The following ANKS1B variants were observed in gnomAD, a reference collection of about 807,000 sequenced individuals.
ANKS1B encodes ankyrin repeat and sterile alpha motif domain containing 1B.
ANKS1B carries 36 observed loss-of-function variants against 148.3 expected under a neutral mutation model. That is an observed-to-expected ratio of 0.24 (90% CI 0.19 to 0.32). The LOEUF (loss-of-function observed/expected upper bound fraction) is 0.32, where lower values mean the gene tolerates loss of function less well. Among genes scored for constraint, ANKS1B ranks in the 10% least tolerant of loss-of-function variants. The probability of loss-of-function intolerance (pLI) is 1.00; values close to 1 mark genes in which losing one functional copy is unlikely to be tolerated. For synonymous variants in ANKS1B, 542 were observed against 560.8 expected (o/e 0.97, Z 0.47); for missense variants, 1,157 against 1,542.6 (o/e 0.75, Z 4.19).
At position 98,829,247 on chromosome 12, in the gene ANKS1B, T is replaced by A; in HGVS notation, c.2993A>T (p.Asp998Val). The A allele has an allele frequency of 6.2e-7, 1 of 1,614,046 alleles. No individual in the cohort carries two copies. The highest frequency in any genetic ancestry group is 8.5e-7 in the Non-Finnish European group (1 of 1,179,886). The change falls in exon 19 of 27, where the codon GAT (aspartate) becomes GTT (valine). Residue 998 changes from aspartate (D) to valine (V), a missense_variant. Asp to Val is a radical substitution (Grantham distance 152). Around this residue, in one of 6 missense-constraint regions of ANKS1B, gnomAD observed 258 missense variants for 497.0 expected, o/e 0.52. Transcript: ENST00000683438. This position sits in a 1 kb window ranked among gnomAD's most constrained non-coding sequence, Gnocchi z 5.2. ...GTTTTCATTTCTTCTCCTCCTTGCA[T>A]CGCCCTGCATGATAATGTGAGGAAC... is the stretch of plus-strand genomic sequence containing the variant. ...LDVPHIIMQG[D>V]ARRRRNENYF...
intron 23 of ANKS1B, 199 bp from the exon 24 acceptor site, chr12:98,781,402 C>G: frequency 1.5e-6 from 1 of 653,960 alleles, no homozygotes. Context: ...TTGGGCTTAG[C>G]TATACTTCGG....
At chr12:99,238,132 T>C (rs1001711316) in intron 14 of ANKS1B, among the ~76,000 whole-genome samples, 6 of 152,300 alleles carry the variant, frequency 3.9e-5, no homozygotes, top group Non-Finnish European at 7.4e-5. Flanking sequence ...TTGGGGGATT[T>C]CCCCTTCCTA....
At chr12:98,838,323 C>T (rs1040975252) in intron 17 of ANKS1B, among the ~76,000 whole-genome samples, 1 of 152,196 alleles carries the variant, frequency 6.6e-6, no homozygotes, top group Non-Finnish European at 1.5e-5. Flanking sequence ...AAGAATCACA[C>T]AAGTCACGCA....
chr12:99,094,348 T>G (rs905519797), intron 15 of ANKS1B, among the ~76,000 whole-genome samples: 30 of 152,376 alleles, frequency 2.0e-4, no homozygotes, highest in African/African-American at 7.2e-4. Flanking sequence ...TGATAAATTC[T>G]GATGTTAGTA....
chr12:99,875,369 C>T (rs1042239370), intron 1 of ANKS1B, among the ~76,000 whole-genome samples: 1 of 151,784 alleles, frequency 6.6e-6, no homozygotes, highest in Non-Finnish European at 1.5e-5. Context: ...AGATTTAACT[C>T]ATTAAAATGT....
chr12:98,828,897 A>G (rs924436544), intron 19 of ANKS1B, among the ~76,000 whole-genome samples: 3 of 152,176 alleles, frequency 2.0e-5, no homozygotes, highest in African/African-American at 7.2e-5. Context: ...CTTTGACACT[A>G]TATTATTCCC....
intron 8 of ANKS1B, among the ~76,000 whole-genome samples, chr12:99,772,426 CA>C (rs2153621887): frequency 6.6e-6 from 1 of 152,174 alleles, no homozygotes; most frequent in South Asian, 2.1e-4. Context: ...CTGAGCTTAT[CA>C]AAGAGAAACC....
chr12:98,755,551 G>A (rs117047669), intron 25 of ANKS1B, among the ~76,000 whole-genome samples: 3 of 152,170 alleles, frequency 2.0e-5, no homozygotes, highest in Non-Finnish European at 2.9e-5. Context: ...TGGAGTAATC[G>A]TAACATTTCT....
intron 15 of ANKS1B, among the ~76,000 whole-genome samples, chr12:99,152,627 G>A (rs975396399): frequency 2.0e-5 from 3 of 152,070 alleles, no homozygotes; most frequent in Admixed American, 6.6e-5. Flanking sequence ...ACATTCAGAG[G>A]AAAAATAAGC....
intron 15 of ANKS1B, among the ~76,000 whole-genome samples, chr12:99,143,801 G>A (rs1158642187): frequency 6.6e-6 from 1 of 151,928 alleles, no homozygotes; most frequent in Non-Finnish European, 1.5e-5. Context: ...CACCTCTCTT[G>A]TTGATACTCC....
chr12:98,916,960 C>CT (rs2099795192), intron 17 of ANKS1B, among the ~76,000 whole-genome samples: 1 of 140,474 alleles, frequency 7.1e-6, no homozygotes, highest in African/African-American at 2.8e-5. Context: ...TAGTATTCAA[C>CT]TATTTTTTTT....
intron 17 of ANKS1B, among the ~76,000 whole-genome samples, chr12:98,918,011 G>A (rs536960330): frequency 3.3e-5 from 5 of 152,274 alleles, no homozygotes; most frequent in Admixed American, 1.3e-4. Flanking sequence ...AAGTAGAGAG[G>A]CTATTTATGT....
intron 17 of ANKS1B, among the ~76,000 whole-genome samples, chr12:98,934,307 T>C (rs2099816494): frequency 6.6e-6 from 1 of 152,168 alleles, no homozygotes; most frequent in African/African-American, 2.4e-5. Flanking sequence ...TGACCATGTA[T>C]GCATGGATTT....
chr12:99,134,641 T>TCC, intron 15 of ANKS1B, among the ~76,000 whole-genome samples: 1 of 81,760 alleles, frequency 1.2e-5, no homozygotes, highest in African/African-American at 5.3e-5. Context: ...TCTCTCTCTC[T>TCC]CTCTCACACA....
intron 8 of ANKS1B, among the ~76,000 whole-genome samples, chr12:99,749,910 G>C (rs1204338907): frequency 6.6e-6 from 1 of 151,942 alleles, no homozygotes; most frequent in Non-Finnish European, 1.5e-5. Context: ...AGCAAATATA[G>C]TTCACTGTCA....
At chr12:99,429,838 C>A (rs1412406752) in intron 11 of ANKS1B, among the ~76,000 whole-genome samples, 1 of 152,080 alleles carries the variant, frequency 6.6e-6, no homozygotes, top group Non-Finnish European at 1.5e-5. Context: ...GTGGCAGGCG[C>A]CTGTGGTCCC....
At chr12:98,984,988 G>A (rs2099922420) in intron 17 of ANKS1B, among the ~76,000 whole-genome samples, 5 of 152,160 alleles carry the variant, frequency 3.3e-5, no homozygotes, top group Admixed American at 3.3e-4. Flanking sequence ...TTCAACCTGG[G>A]TGACAAAGTG....
chr12:99,072,426 A>G (rs1430322261), intron 16 of ANKS1B, among the ~76,000 whole-genome samples: 1 of 152,106 alleles, frequency 6.6e-6, no homozygotes, highest in Non-Finnish European at 1.5e-5. Context: ...ATAGATAAGG[A>G]CACTGGGATT....
chr12:98,872,238 T>C (rs1418647516), intron 17 of ANKS1B, among the ~76,000 whole-genome samples: 1 of 152,166 alleles, frequency 6.6e-6, no homozygotes, highest in African/African-American at 2.4e-5. Flanking sequence ...AAGACAGGGC[T>C]TTAAAAGAGC....
Sources: gnomAD v4.1 joint callset for allele counts (sites outside exome capture counted in the v4.1 genomes callset) on GRCh38, gnomAD v4.1.1 for gene constraint, gnomAD v4.1.1 regional missense constraint, Gnocchi (gnomAD v3.1) non-coding constraint, MANE v1.5 for transcripts, NCBI Gene and HGNC (gene_info 2026-07-23, HGNC 2026-07-21) for gene names.